BPNT2: variants seen among roughly 807,000 people sequenced by gnomAD.
BPNT2 encodes 3'(2'), 5'-bisphosphate nucleotidase 2.
A neutral mutation model predicts 29.3 loss-of-function variants in BPNT2; 11 were observed. The ratio of observed to expected loss-of-function variants is 0.38; its 90% CI spans 0.24 to 0.62. BPNT2 has a LOEUF of 0.62. Among genes scored for constraint, BPNT2 ranks in the 20% least tolerant of loss-of-function variants. The probability of loss-of-function intolerance (pLI) is 0.62; values close to 1 mark genes in which losing one functional copy is unlikely to be tolerated. For synonymous variants in BPNT2, 195 were observed against 187.7 expected, an observed-to-expected ratio of 1.04 and a Z score of -0.32; for missense variants, 459 against 473.4, an observed-to-expected ratio of 0.97 and a Z score of 0.28.
chr8:56,989,157 T>C (rs769861275), intron 1 of BPNT2, among the ~76,000 whole-genome samples: 2 of 152,142 alleles, frequency 1.3e-5, no homozygotes, highest in Admixed American at 1.3e-4. Context: ...CTGACCATTA[T>C]GTCAATCTCA....
Position 56,958,762 on chromosome 8 carries a change from T to A in BPNT2, c.*5031A>T, listed in dbSNP as rs191990553. 6.6e-6 allele frequency: 1 copy of A among 152,192 alleles called. No homozygotes were observed. The highest frequency in any genetic ancestry group is 1.5e-5 in the Non-Finnish European group (1 of 68,024). 9.4% of individuals were successfully genotyped at this position (152,192 alleles called of 1,614,324 possible). On this transcript the variant is annotated 3_prime_UTR_variant, in exon 5 of 5. Coordinates refer to ENST00000262644, the MANE Select transcript of BPNT2 (RefSeq NM_017813.5). ...AAAAACCAGCCCTAGCAGTGCCCTG[T>A]CATCATGGCAGAGCACTGTCTCTTC...
chr8:56,979,078 T>A lies in BPNT2; in HGVS notation c.551-933A>T, dbSNP rs562884766. 4.7e-4 allele frequency among the ~76,000 whole-genome samples: 71 copies of A among 152,196 alleles called. 3 individuals are homozygous for A. Among genetic ancestry groups the A allele is most frequent in the Non-Finnish European group, 2.9e-4 (20 of 68,020 alleles). On this transcript the variant is annotated intron_variant, in intron 2 of 4. Transcript: ENST00000262644. ...CAAATTGCATTTAGAGTCAAGACCC[T>A]TTTATATTATAAAAATCACACAAAC...
At position 56,993,758 on chromosome 8, in the gene BPNT2, C is replaced by T; in HGVS notation, c.-173G>A. 1.2e-6 allele frequency: 1 copy of T among 855,890 alleles called. No homozygotes were observed. The highest frequency in any genetic ancestry group is 1.4e-6 in the Non-Finnish European group (1 of 707,884). The allele number at this position is 855,890 out of a possible 1,614,324, so 53.0% of individuals were successfully genotyped here. On this transcript the variant is annotated 5_prime_UTR_variant, in exon 1 of 5. Transcript: ENST00000262644. ...CCTCCCAGGAAAGGCCGAGTTGCGC[C>T]GCGAAGACCACCAACGCCGCCCCGC...
chr8:56,993,140 G>A (rs1204335967), intron 1 of BPNT2, 59 bp downstream of exon 1: 21 of 1,554,348 alleles, frequency 1.4e-5, no homozygotes, highest in Non-Finnish European at 1.7e-5. Flanking sequence ...ACTGTTAAGA[G>A]TCGACGGGCC....
chr8:56,959,175 AT>A lies in BPNT2; in HGVS notation c.*4617del, dbSNP rs1379099979. Reference sequence around the variant, plus strand: ...ACAATATATAACAAGTCATTTCAATATTATTCATCATCCTTAACTTCTGAAA... The same window carrying A: ...ACAATATATAACAAGTCATTTCAATATATTCATCATCCTTAACTTCTGAAA... On this transcript the variant is annotated 3_prime_UTR_variant, in exon 5 of 5. Transcript: ENST00000262644. 3 of 152,218 alleles carry A rather than the reference AT, an allele frequency of 2.0e-5. No individual in the cohort carries two copies. The highest frequency in any genetic ancestry group is 1.3e-4 in the Admixed American group (2 of 15,276). The allele number at this position is 152,218 out of a possible 1,614,324, so 9.4% of individuals were successfully genotyped here.
rs143604570 is a variant in BPNT2 at position 56,973,403 on chromosome 8, G to T, written c.646+4647C>A. Among the ~76,000 whole-genome samples the T allele has an allele frequency of 8.5e-3, 1,292 of 152,162 alleles. 13 individuals are homozygous for T. Among genetic ancestry groups the T allele is most frequent in the African/African-American group, 0.028 (1,170 of 41,500 alleles). On this transcript the variant is annotated intron_variant, in intron 3 of 4. Transcript: ENST00000262644. ...GAGAAAATCATTCAAAGTCTGGAAG[G>T]ATTACACCACTAAAGATGCCACTGT... is the stretch of plus-strand genomic sequence containing the variant.
chr8:56,973,705 A>T (rs143411632), intron 3 of BPNT2, among the ~76,000 whole-genome samples: 54 of 152,272 alleles, frequency 3.5e-4, no homozygotes, highest in Middle Eastern at 3.4e-3. Context: ...GAGAAAGAAG[A>T]TGTAGAAGAA....
At chr8:56,980,963 T>A (rs1192925662) in intron 1 of BPNT2, among the ~76,000 whole-genome samples, 1 of 151,634 alleles carries the variant, frequency 6.6e-6, no homozygotes, top group Non-Finnish European at 1.5e-5. Flanking sequence ...AGTATTCTAT[T>A]CATTTACAAA....
intron 1 of BPNT2, among the ~76,000 whole-genome samples, chr8:56,981,366 G>A (rs185488732): frequency 1.4e-4 from 22 of 152,196 alleles, no homozygotes; most frequent in Non-Finnish European, 2.9e-4. Context: ...AGAGATCAAG[G>A]CCATCCTGGC....
intron 1 of BPNT2, among the ~76,000 whole-genome samples, chr8:56,985,782 T>TGAACATCTGGAAGGCTATACTTCCC (rs1401623536): frequency 1.3e-5 from 2 of 152,200 alleles, no homozygotes; most frequent in Non-Finnish European, 2.9e-5. Flanking sequence ...TTTTCCTTCC[T>TGAACATCTGGAAGGCTATACTTCCC]GAACATCTGG....
At chr8:56,974,820 A>T (rs12678538) in intron 3 of BPNT2, among the ~76,000 whole-genome samples, 32,121 of 152,076 alleles carry the variant, frequency 0.21, 3,783 homozygotes, top group East Asian at 0.45. Flanking sequence ...TACAGATGAG[A>T]GAGGAATATA....
chr8:56,974,456 A>G (rs866438067), intron 3 of BPNT2, among the ~76,000 whole-genome samples: 1 of 152,206 alleles, frequency 6.6e-6, no homozygotes, highest in African/African-American at 2.4e-5. Flanking sequence ...AACAACAATA[A>G]TATCTAGTTC....
Position 56,981,407 on chromosome 8 carries a change from A to C in BPNT2, c.388-1210T>G, listed in dbSNP as rs554196941. Among the ~76,000 whole-genome samples the C allele has an allele frequency of 2.0e-5, 3 of 152,272 alleles. No homozygotes were observed. In the East Asian group the frequency reaches 5.8e-4, roughly 29 times the overall value. On this transcript the variant is annotated intron_variant, in intron 1 of 4. Coordinates refer to ENST00000262644, the MANE Select transcript of BPNT2 (RefSeq NM_017813.5). ...TGGTAAAACCCCATCTCTACTAAAA[A>C]TACAAAAATTAGCCAGGCATGGTGG...
Position 56,962,691 on chromosome 8 carries a change from A to G in BPNT2, c.*1102T>C, listed in dbSNP as rs1476168003. On this transcript the variant is annotated 3_prime_UTR_variant, in exon 5 of 5. Coordinates refer to ENST00000262644, the MANE Select transcript of BPNT2 (RefSeq NM_017813.5). ...CTGAGGGGAAATTAAGAGAATCTCAAAAGTTACTACAGAGTTTGGGTAGGC... is the reference window on the plus strand; with the variant it reads ...CTGAGGGGAAATTAAGAGAATCTCAGAAGTTACTACAGAGTTTGGGTAGGC... 1 of 152,342 alleles carries G rather than the reference A, an allele frequency of 6.6e-6. No individual in the cohort carries two copies. The highest frequency in any genetic ancestry group is 1.9e-4 in the East Asian group (1 of 5,192). 9.4% of individuals were successfully genotyped at this position (152,342 alleles called of 1,614,324 possible).
Position 56,993,723 on chromosome 8 carries a change from C to T in BPNT2, c.-138G>A. 1.0e-6 allele frequency: 1 copy of T among 979,500 alleles called. No homozygotes were observed. Among genetic ancestry groups the T allele is most frequent in the South Asian group, 4.6e-5 (1 of 21,842 alleles). 60.7% of individuals were successfully genotyped at this position (979,500 alleles called of 1,614,324 possible). ...CGCCCGCTCCCCGGCCCCGGTGCGC[C>T]CCATCACTCCCTCCCAGGAAAGGCC... On this transcript the variant is annotated 5_prime_UTR_variant, in exon 1 of 5. Transcript: ENST00000262644.
chr8:56,990,706 C>T (rs1012434820), intron 1 of BPNT2, among the ~76,000 whole-genome samples: 10 of 152,066 alleles, frequency 6.6e-5, no homozygotes, highest in African/African-American at 2.4e-4. Context: ...AGTAGCATCC[C>T]ACCCCTGGTT....
intron 1 of BPNT2, among the ~76,000 whole-genome samples, chr8:56,980,853 A>C (rs1023991632): frequency 1.1e-4 from 12 of 111,024 alleles, no homozygotes; most frequent in East Asian, 6.9e-4. Flanking sequence ...CACACACACA[A>C]ACCCCCCTTA....
At chr8:56,971,714 A>T (rs1251973777) in intron 3 of BPNT2, among the ~76,000 whole-genome samples, 2 of 151,832 alleles carry the variant, frequency 1.3e-5, no homozygotes, top group Non-Finnish European at 2.9e-5. Context: ...GTTAAGAGAA[A>T]TGTAAACAAA....
intron 3 of BPNT2, among the ~76,000 whole-genome samples, chr8:56,974,469 A>C (rs1415123114): frequency 1.3e-5 from 2 of 152,214 alleles, no homozygotes; most frequent in South Asian, 2.1e-4. Context: ...TCTAGTTCCC[A>C]CTATAGTGAA....
Sources: allele counts gnomAD v4.1 joint callset (sites outside exome capture counted in the v4.1 genomes callset), GRCh38; gene constraint gnomAD v4.1.1; transcripts MANE v1.5; gene names NCBI Gene and HGNC (gene_info 2026-07-23, HGNC 2026-07-21).